Variants in MYO18B observed in about 807,000 individuals in gnomAD.
The protein encoded by MYO18B is myosin XVIIIB.
Under a neutral mutation model 273.0 loss-of-function variants are expected in MYO18B, and 204 were observed. That is an observed-to-expected ratio of 0.75 (90% CI 0.67 to 0.84). MYO18B has a LOEUF of 0.84. Ranked by LOEUF, MYO18B falls within the 40% of genes least tolerant of loss-of-function variation. The pLI is 0.00. For synonymous variants in MYO18B, 1,330 were observed against 1,305.7 expected (o/e 1.02, Z -0.40); for missense variants, 3,212 against 3,287.6 (o/e 0.98, Z 0.56).
chr22:25,772,523 C>T lies in MYO18B; in HGVS notation c.1869+13C>T, dbSNP rs2086759577. ...TTCTGCAGGGAAGGTGAGGTGGGAC[C>T]ATTGTGGGCAGGGCTGAGGGGCTGA... On this transcript the variant is annotated intron_variant, in intron 7 of 43. Coordinates refer to ENST00000335473, the MANE Select transcript of MYO18B (RefSeq NM_032608.7). 6.2e-7 allele frequency: 1 copy of T among 1,611,198 alleles called. No homozygotes were observed. The highest frequency in any genetic ancestry group is 1.7e-5 in the Admixed American group (1 of 59,774).
intron 42 of MYO18B, among the ~76,000 whole-genome samples, chr22:26,021,756 G>A (rs1935835089): frequency 6.6e-6 from 1 of 152,220 alleles, no homozygotes; most frequent in Admixed American, 6.5e-5. Flanking sequence ...TGTGCTTGCA[G>A]AGGTTACTCA....
At chr22:25,863,158 T>G (rs1372562136) in intron 21 of MYO18B, among the ~76,000 whole-genome samples, 2 of 152,242 alleles carry the variant, frequency 1.3e-5, no homozygotes, top group Non-Finnish European at 2.9e-5. Flanking sequence ...AAGTTCCATT[T>G]GGATCTTTTA....
intron 12 of MYO18B, among the ~76,000 whole-genome samples, chr22:25,810,098 C>CTTT (rs566532119): frequency 5.3e-5 from 7 of 132,414 alleles, no homozygotes; most frequent in Admixed American, 2.3e-4. Flanking sequence ...TTCCTTCAGG[C>CTTT]TTTTTTTTTT....
intron 34 of MYO18B, among the ~76,000 whole-genome samples, chr22:25,939,734 C>T (rs1252835035): frequency 6.6e-6 from 1 of 152,158 alleles, no homozygotes; most frequent in Non-Finnish European, 1.5e-5. Context: ...ATTTTTTGTA[C>T]AGAGCGTCTG....
intron 42 of MYO18B, among the ~76,000 whole-genome samples, chr22:26,010,151 C>A (rs190283596): frequency 1.3e-5 from 2 of 152,198 alleles, no homozygotes; most frequent in East Asian, 3.9e-4. Context: ...TACCCCCCAC[C>A]CAAACAAATA....
intron 33 of MYO18B, 84 bp downstream of exon 33, chr22:25,911,134 G>A (rs994773132): frequency 1.0e-6 from 1 of 997,588 alleles, no homozygotes; most frequent in African/African-American, 1.6e-5. Flanking sequence ...AACAGCCTGA[G>A]GGATACCCTC....
At chr22:25,848,885 C>A (rs2090337296) in intron 20 of MYO18B, among the ~76,000 whole-genome samples, 1 of 152,112 alleles carries the variant, frequency 6.6e-6, no homozygotes, top group Non-Finnish European at 1.5e-5. Context: ...TCACTAGTGC[C>A]CTAGTGTATG....
At chr22:25,943,076 C>T (rs1387453681) in intron 34 of MYO18B, among the ~76,000 whole-genome samples, 4 of 152,114 alleles carry the variant, frequency 2.6e-5, no homozygotes, top group Non-Finnish European at 5.9e-5. Context: ...ACTGTGTCAT[C>T]GTGTTCTGCT....
rs6004839 is a variant in MYO18B at position 25,934,256 on chromosome 22, T to C, written c.5518-11881T>C. Among the ~76,000 whole-genome samples the C allele has an allele frequency of 1.2e-4, 18 of 152,338 alleles. 1 individual carries two copies. The highest frequency in any genetic ancestry group is 4.1e-4 in the African/African-American group (17 of 41,584). On this transcript the variant is annotated intron_variant, in intron 34 of 43. Transcript: ENST00000335473. ...TTTTCTCTCACTTTAGGGTTGACCA[T>C]TACATTTTCTTGGTGGTGTCTTTTT...
chr22:25,995,578 A>T (rs542777803), intron 40 of MYO18B, among the ~76,000 whole-genome samples: 1 of 152,308 alleles, frequency 6.6e-6, no homozygotes, highest in East Asian at 1.9e-4. Context: ...TGAAAAGGAA[A>T]ACAAGAAGCA....
the MYO18B span, among the ~76,000 whole-genome samples, chr22:26,049,092 A>G: frequency 6.6e-6 from 1 of 152,220 alleles, no homozygotes; most frequent in Non-Finnish European, 1.5e-5. Context: ...AAATCTGAAA[A>G]AAAAAGAATG....
intron 1 of MYO18B, among the ~76,000 whole-genome samples, chr22:25,758,846 C>T (rs1465433943): frequency 2.0e-5 from 3 of 151,944 alleles, no homozygotes; most frequent in Non-Finnish European, 4.4e-5. Flanking sequence ...CAAACTCCTC[C>T]TCCCAGGTTC....
chr22:25,908,876 T>C (rs976266854), intron 32 of MYO18B, among the ~76,000 whole-genome samples: 5 of 152,258 alleles, frequency 3.3e-5, no homozygotes, highest in African/African-American at 1.2e-4. Flanking sequence ...TCATTATTAC[T>C]ATTTTAAGTG....
At chr22:25,865,880 A>G (rs1190408702) in intron 21 of MYO18B, among the ~76,000 whole-genome samples, 1 of 151,990 alleles carries the variant, frequency 6.6e-6, no homozygotes, top group Non-Finnish European at 1.5e-5. Context: ...TTATGTAGAG[A>G]AAAAAGGCAT....
rs1473290797 is a variant in MYO18B, at chr22:25,851,507, G to A, written c.3813G>A (p.Arg1271=). 1.3e-6 allele frequency: 2 copies of A among 1,560,012 alleles called. No individual in the cohort carries two copies. The highest frequency in any genetic ancestry group is 2.4e-5 in the East Asian group (1 of 41,600). ...ACATGGGGCTCACTCGCTTCCGCCG[G>A]CAATTCCAGGTGCTGGACGCTCCAC... The part of the protein sequence containing the change: ...ADHMGLTRFR[R]QFQVLDAPLL... The change falls in exon 21 of 44, where the codon CGG becomes CGA. Residue 1271 remains arginine, a synonymous_variant. Coordinates refer to ENST00000335473, the MANE Select transcript of MYO18B (RefSeq NM_032608.7).
intron 22 of MYO18B, among the ~76,000 whole-genome samples, chr22:25,868,855 A>G (rs1370151870): frequency 1.3e-5 from 2 of 152,244 alleles, no homozygotes; most frequent in African/African-American, 4.8e-5. Flanking sequence ...TGACAGAAAT[A>G]GCTTTTCCCA....
chr22:25,802,752 C>CAAAA (rs1199331535), intron 12 of MYO18B, among the ~76,000 whole-genome samples: 1 of 21,578 alleles, frequency 4.6e-5, no homozygotes, highest in African/African-American at 1.1e-4. Flanking sequence ...GACTCTGTCT[C>CAAAA]AAAAAAAAAA....
intron 39 of MYO18B, among the ~76,000 whole-genome samples, chr22:25,963,588 T>C (rs1039081374): frequency 6.7e-6 from 1 of 149,338 alleles, no homozygotes; most frequent in African/African-American, 2.5e-5. Context: ...AAAGACCCTA[T>C]TTCCCAATAA....
In MYO18B at chr22:25,780,210, C is replaced by T. The variant is rs746977230; in HGVS notation, c.2211+12C>T. ...CTGCTCAGCTCCAGGTGAGGCCTCTCGGGGGATGTGCAAGGGGGCCCTTGG... is the reference window on the plus strand; with the variant it reads ...CTGCTCAGCTCCAGGTGAGGCCTCTTGGGGGATGTGCAAGGGGGCCCTTGG... On this transcript the variant is annotated intron_variant, in intron 9 of 43. Transcript: ENST00000335473. 25 of 1,597,172 alleles carry T rather than the reference C, an allele frequency of 1.6e-5. No individual in the cohort carries two copies. Among genetic ancestry groups the T allele is most frequent in the African/African-American group, 4.0e-5 (3 of 74,686 alleles).
Sources: gnomAD v4.1 joint callset for allele counts (sites outside exome capture counted in the v4.1 genomes callset) on GRCh38, gnomAD v4.1.1 for gene constraint, MANE v1.5 for transcripts, NCBI Gene and HGNC (gene_info 2026-07-23, HGNC 2026-07-21) for gene names.